MAPKAPK3: variants seen among roughly 807,000 people sequenced by gnomAD.
The protein encoded by MAPKAPK3 is MAP kinase-activated protein kinase 3.
A neutral mutation model predicts 49.2 loss-of-function variants in MAPKAPK3; 35 were observed. The ratio of observed to expected loss-of-function variants is 0.71; its 90% CI spans 0.54 to 0.94. The LOEUF is 0.94. MAPKAPK3 is among the 40% of genes least tolerant of loss of function. The pLI, the probability that MAPKAPK3 is intolerant of heterozygous loss-of-function variation, is 0.00. For missense variants in MAPKAPK3, 398 were observed against 493.1 expected, an observed-to-expected ratio of 0.81 and a Z score of 1.83; for synonymous variants, 178 against 188.7, an observed-to-expected ratio of 0.94 and a Z score of 0.46.
chr3:50,643,771 A>G (rs1182749427), intron 5 of MAPKAPK3, among the ~76,000 whole-genome samples: 2 of 150,772 alleles, frequency 1.3e-5, no homozygotes, highest in African/African-American at 2.4e-5. Context: ...TTCTACCAAC[A>G]CCCCATCCTT....
chr3:50,620,003 A>T lies in MAPKAPK3; in HGVS notation c.219+2219A>T, dbSNP rs75233259. Among the ~76,000 whole-genome samples, 827 of 152,276 alleles carry T rather than the reference A, an allele frequency of 5.4e-3. 4 individuals are homozygous for T. Among genetic ancestry groups the T allele is most frequent in the Non-Finnish European group, 9.4e-3 (641 of 68,020 alleles). On this transcript the variant is annotated intron_variant, in intron 2 of 10. Coordinates refer to ENST00000621469, the MANE Select transcript of MAPKAPK3 (RefSeq NM_001243925.2). ...AAATTGGCCCTCAAAGGGGACATGG[A>T]TTAGATGTGGCTCCCACTCCAGGAC...
chr3:50,638,201 T>C (rs1425707970), intron 2 of MAPKAPK3, among the ~76,000 whole-genome samples: 2 of 151,516 alleles, frequency 1.3e-5, no homozygotes, highest in African/African-American at 2.4e-5. Flanking sequence ...TGACAGGAGA[T>C]GGTCAGGTCA....
At chr3:50,646,998 G>A in intron 9 of MAPKAPK3, 125 bp from the exon 10 acceptor site, 2 of 1,063,968 alleles carry the variant, frequency 1.9e-6, no homozygotes, top group Non-Finnish European at 2.8e-6. Context: ...CCCTAGTGAG[G>A]CTCCTTCCCC....
At chr3:50,640,618 C>T in intron 3 of MAPKAPK3, 113 bp downstream of exon 3, 1 of 1,338,102 alleles carries the variant, frequency 7.5e-7, no homozygotes, top group African/African-American at 1.5e-5. Context: ...CTGGGTGCCA[C>T]TGTAGCCCCT....
intron 2 of MAPKAPK3, among the ~76,000 whole-genome samples, chr3:50,629,095 G>A (rs900426403): frequency 6.6e-6 from 1 of 152,080 alleles, no homozygotes; most frequent in Non-Finnish European, 1.5e-5. Context: ...GCTCCCCTAA[G>A]ATCAGCCACC....
In MAPKAPK3 at chr3:50,635,504, G is replaced by A. The variant is rs933233546; in HGVS notation, c.220-4862G>A. 7.5e-5 allele frequency among the ~76,000 whole-genome samples: 9 copies of A among 120,216 alleles called. No homozygotes were observed. In the Admixed American group the frequency reaches 1.1e-3, roughly 14 times the overall value. 78.9% of individuals were successfully genotyped at this position (120,216 alleles called of 152,430 possible). A position where few individuals can be genotyped will look rare whatever the true frequency, so the allele number is the denominator to read the frequency against. The stretch of plus-strand genomic sequence containing the variant: ...ACGATCTCAGCTCACTGCAACCTCC[G>A]CCTCCTGGGTTCAAGTGATTCTTCT... On this transcript the variant is annotated intron_variant, in intron 2 of 10. Transcript: ENST00000621469.
At position 50,647,868 on chromosome 3, in the gene MAPKAPK3, G is replaced by GTC. The variant is rs768716539; in HGVS notation, c.997-25_997-24insCT. On this transcript the variant is annotated intron_variant, in intron 10 of 10. Transcript: ENST00000621469. ...AAGGTCAGTACATCCTGACCTCTTA[G>GTC]TGCCCACCATCCTGTCTGTCCCCAG... The GTC allele has an allele frequency of 8.1e-6, 13 of 1,601,734 alleles. No homozygotes were observed. In the South Asian group the frequency reaches 1.5e-4, roughly 18 times the overall value.
At chr3:50,617,335 G>A in intron 1 of MAPKAPK3, 94 bp downstream of exon 1, 1 of 424,462 alleles carries the variant, frequency 2.4e-6, no homozygotes, top group Non-Finnish European at 4.2e-6. Context: ...GTGCCCGGGC[G>A]GTGCTCGCTT....
chr3:50,643,805 C>A (rs1448842286), intron 5 of MAPKAPK3, among the ~76,000 whole-genome samples: 1 of 152,066 alleles, frequency 6.6e-6, no homozygotes, highest in East Asian at 1.9e-4. Flanking sequence ...GCTTGGGGGT[C>A]TCTTCTGCCC....
chr3:50,647,752 T>G (rs528561762), intron 10 of MAPKAPK3, 142 bp from the exon 11 acceptor site: 2 of 746,244 alleles, frequency 2.7e-6, no homozygotes, highest in South Asian at 3.6e-5. Context: ...GCAAAGGGCT[T>G]GGCCCAGTGC....
At chr3:50,624,329 A>G (rs1373298718) in intron 2 of MAPKAPK3, among the ~76,000 whole-genome samples, 1 of 152,012 alleles carries the variant, frequency 6.6e-6, no homozygotes. Context: ...GTGTGTGACA[A>G]TATGCCTGGT....
intron 2 of MAPKAPK3, among the ~76,000 whole-genome samples, chr3:50,622,630 G>C (rs1438540111): frequency 1.3e-5 from 2 of 152,210 alleles, no homozygotes; most frequent in Non-Finnish European, 2.9e-5. Flanking sequence ...TTTCCAGGTT[G>C]CACCTTCTCC....
intron 2 of MAPKAPK3, among the ~76,000 whole-genome samples, chr3:50,624,289 GTGTGTGTGTATGTGTA>G: frequency 1.3e-5 from 2 of 152,158 alleles, no homozygotes; most frequent in Non-Finnish European, 2.9e-5. Context: ...GTGTGTGTGT[GTGTGTGTGTATGTGTA>G]TGTGTGTGTG....
chr3:50,633,575 C>T (rs761275910), intron 2 of MAPKAPK3, among the ~76,000 whole-genome samples: 17 of 152,310 alleles, frequency 1.1e-4, no homozygotes, highest in Admixed American at 9.1e-4. Flanking sequence ...TGGGGCCACC[C>T]CCTCCTCTCA....
intron 5 of MAPKAPK3, among the ~76,000 whole-genome samples, chr3:50,643,063 G>A (rs1222565407): frequency 2.0e-5 from 3 of 152,162 alleles, no homozygotes; most frequent in Non-Finnish European, 4.4e-5. Flanking sequence ...TGTTAGGCAG[G>A]TTGGTCTTGA....
Position 50,617,835 on chromosome 3 carries a change from A to C in MAPKAPK3, c.219+51A>C, listed in dbSNP as rs562701248. On this transcript the variant is annotated intron_variant, in intron 2 of 10. Transcript: ENST00000621469. ...GGGTATCCTGGAGGGTCCACAGCGG[A>C]AGCCTGTGAGTGAAGCTATGTCTAG... 7 of 1,465,592 alleles carry C rather than the reference A, an allele frequency of 4.8e-6. No homozygotes were observed. The African/African-American group carries it at 8.3e-5, about 17-fold the overall frequency. The allele number at this position is 1,465,592 out of a possible 1,614,324, so 90.8% of individuals were successfully genotyped here.
upstream of MAPKAPK3, among the ~76,000 whole-genome samples, chr3:50,615,486 A>G (rs772435472): frequency 7.7e-6 from 1 of 129,768 alleles, no homozygotes; most frequent in Non-Finnish European, 1.8e-5. Context: ...GGACTAGGAG[A>G]GGAGGCCATG....
chr3:50,634,191 A>C (rs2032977366), intron 2 of MAPKAPK3, among the ~76,000 whole-genome samples: 2 of 152,202 alleles, frequency 1.3e-5, no homozygotes, highest in Admixed American at 1.3e-4. Context: ...CTCAAATTCA[A>C]TGCTTGTTGA....
chr3:50,630,654 A>G lies in MAPKAPK3; in HGVS notation c.220-9712A>G, dbSNP rs930893145. 2.6e-5 allele frequency among the ~76,000 whole-genome samples: 4 copies of G among 152,174 alleles called. No homozygotes were observed. In the East Asian group the frequency reaches 5.8e-4, roughly 22 times the overall value. On this transcript the variant is annotated intron_variant, in intron 2 of 10. Transcript: ENST00000621469. ...GGGCGTGGGCCAAGCTCTCGGAAGG[A>G]GTGGCAGGGCCTTCTCTGTTTGCTT... is the stretch of plus-strand genomic sequence containing the variant.
Sources: gnomAD v4.1 joint callset for allele counts (sites outside exome capture counted in the v4.1 genomes callset) on GRCh38, gnomAD v4.1.1 for gene constraint, MANE v1.5 for transcripts, NCBI Gene and HGNC (gene_info 2026-07-23, HGNC 2026-07-21) for gene names.